UGT1A8: variants seen among roughly 807,000 people sequenced by gnomAD.
UGT1A8 encodes UDP-glucuronosyltransferase 1A8.
Under a neutral mutation model 45.3 loss-of-function variants are expected in UGT1A8, and 39 were observed. The ratio of observed to expected loss-of-function variants is 0.86; its 90% CI spans 0.67 to 1.12. UGT1A8 has a LOEUF of 1.12. Ranked by LOEUF, UGT1A8 falls within the 50% of genes most tolerant of loss-of-function variation. The pLI is 0.00. For missense variants in UGT1A8, 719 were observed against 664.9 expected (o/e 1.08, Z -0.90); for synonymous variants, 275 against 249.2 (o/e 1.10, Z -0.97).
At chr2:233,738,971 TG>T (rs2125819893) in intron 1 of UGT1A8, 1 of 152,378 alleles carries the variant, frequency 6.6e-6, no homozygotes, top group Admixed American at 6.5e-5. Context: ...CCCCCACTGC[TG>T]TGTGCAGCCT....
chr2:233,704,256 C>CT (rs59925871), intron 1 of UGT1A8, among the ~76,000 whole-genome samples: 17,865 of 123,502 alleles, frequency 0.14, 1,649 homozygotes, highest in East Asian at 0.25. Flanking sequence ...GCCTTTATTG[C>CT]TTTTTTTTTT....
chr2:233,757,554 ATATATATG>A lies in UGT1A8; in HGVS notation c.856-9471_856-9464del, dbSNP rs1052235726. On this transcript the variant is annotated intron_variant, in intron 1 of 4. Transcript: ENST00000373450. ...GTAAGGAATATATATATATATATAT[ATATATATG>A]TATATATGATATAGCTATAGTCTAA... Among the ~76,000 whole-genome samples the A allele has an allele frequency of 3.8e-3, 481 of 125,326 alleles. 1 individual carries two copies. Among genetic ancestry groups the A allele is most frequent in the Non-Finnish European group, 4.6e-3 (284 of 61,224 alleles). 82.2% of individuals were successfully genotyped at this position (125,326 alleles called of 152,430 possible).
intron 1 of UGT1A8, 145 bp from the exon 2 acceptor site, chr2:233,766,889 C>A: frequency 6.8e-7 from 1 of 1,464,614 alleles, no homozygotes; most frequent in Non-Finnish European, 9.0e-7. Context: ...GTAAAACTTA[C>A]ATATTAATAA....
At chr2:233,661,627 C>CTTTCTTTCTTTCT (rs2073967058) in intron 1 of UGT1A8, among the ~76,000 whole-genome samples, 1 of 106,136 alleles carries the variant, frequency 9.4e-6, no homozygotes, top group African/African-American at 3.1e-5. Flanking sequence ...ACTGAATTTT[C>CTTTCTTTCTTTCT]TTTCTTTCTT....
At chr2:233,669,028 A>G (rs974773528) in intron 1 of UGT1A8, among the ~76,000 whole-genome samples, 17 of 152,220 alleles carry the variant, frequency 1.1e-4, no homozygotes, top group Non-Finnish European at 2.4e-4. Flanking sequence ...ATAGGTTTTT[A>G]GGAGGAAGAC....
At chr2:233,770,240 T>A (rs1700042980) in intron 4 of UGT1A8, 1 of 152,226 alleles carries the variant, frequency 6.6e-6, no homozygotes, top group Non-Finnish European at 1.5e-5. Flanking sequence ...TCTCCATGAT[T>A]CCAACACTCT....
chr2:233,689,778 T>C (rs192749623), intron 1 of UGT1A8: 1 of 339,482 alleles, frequency 2.9e-6, no homozygotes, highest in East Asian at 9.6e-5. Flanking sequence ...CGGGGACATA[T>C]GTTATGATGT....
At chr2:233,747,624 ATC>A in intron 1 of UGT1A8, 1 of 1,577,546 alleles carries the variant, frequency 6.3e-7, no homozygotes, top group South Asian at 1.1e-5. Flanking sequence ...TGAGGCCCTG[ATC>A]AGGCACCTGA....
intron 1 of UGT1A8, among the ~76,000 whole-genome samples, chr2:233,675,268 C>T (rs2074316080): frequency 6.6e-6 from 1 of 152,142 alleles, no homozygotes; most frequent in South Asian, 2.1e-4. Context: ...CTATATCATT[C>T]CGTGTGGTCA....
At chr2:233,745,046 G>GT (rs1692997137) in intron 1 of UGT1A8, among the ~76,000 whole-genome samples, 1 of 151,780 alleles carries the variant, frequency 6.6e-6, no homozygotes, top group Admixed American at 6.6e-5. Flanking sequence ...TACAGTATTG[G>GT]TTTTTTATTT....
At chr2:233,760,338 G>C (rs753493472) in intron 1 of UGT1A8, 4 of 1,614,036 alleles carry the variant, frequency 2.5e-6, no homozygotes, top group Admixed American at 1.7e-5. Context: ...GCCTGCTGCT[G>C]TGTGTGCTGG....
At chr2:233,698,562 A>G (rs2075448167) in intron 1 of UGT1A8, among the ~76,000 whole-genome samples, 2 of 152,254 alleles carry the variant, frequency 1.3e-5, no homozygotes, top group Admixed American at 6.5e-5. Flanking sequence ...AAACTTTAAG[A>G]ACATGTTTAA....
chr2:233,772,537 C>A lies in UGT1A8; in HGVS notation c.1571C>A (p.Ala524Asp). Residue 524 changes from alanine (A) to aspartate (D), a missense_variant, in exon 5 of 5, where the codon GCC becomes GAC. By Grantham distance (126) the Ala-to-Asp change is moderately radical (BLOSUM62 -2). Coordinates refer to ENST00000373450, the MANE Select transcript of UGT1A8 (RefSeq NM_019076.5). ...CLGKKGRVKK[A>D]HKSKTH ...GGGAAAAAAGGGCGAGTTAAGAAAG[C>A]CCACAAATCCAAGACCCATTGAGAA... 1.9e-6 allele frequency: 3 copies of A among 1,614,090 alleles called. No homozygotes were observed. Among genetic ancestry groups the A allele is most frequent in the Non-Finnish European group, 2.5e-6 (3 of 1,180,000 alleles).
intron 1 of UGT1A8, among the ~76,000 whole-genome samples, chr2:233,635,239 T>C (rs568470173): frequency 6.6e-6 from 1 of 150,662 alleles, no homozygotes; most frequent in East Asian, 1.9e-4. Flanking sequence ...TTAACATTTT[T>C]CCTTCATTTC....
At chr2:233,772,118 A>G (rs186997429) in intron 4 of UGT1A8, 144 bp from the exon 5 acceptor site, 177 of 1,520,864 alleles carry the variant, frequency 1.2e-4, no homozygotes, top group Non-Finnish European at 1.4e-4. Flanking sequence ...GTATCTAAAA[A>G]CAACAACAAC....
chr2:233,753,154 C>T lies in UGT1A8; in HGVS notation c.856-13880C>T, dbSNP rs369458076. On this transcript the variant is annotated intron_variant, in intron 1 of 4. Transcript: ENST00000373450. The stretch of plus-strand genomic sequence containing the variant: ...TGAGTATCTTCACACATGTAAGTTC[C>T]CTTATCCGGATCACTAAAAAATGAA... 1.2e-4 allele frequency: 18 copies of T among 152,308 alleles called. No homozygotes were observed. The South Asian group carries it at 1.9e-3, about 16-fold the overall frequency. 9.4% of individuals were successfully genotyped at this position (152,308 alleles called of 1,614,324 possible). A position where few individuals can be genotyped will look rare whatever the true frequency, so the allele number is the denominator to read the frequency against.
In UGT1A8 at chr2:233,730,882, A is replaced by G. The variant is rs150237801; in HGVS notation, c.856-36152A>G. On this transcript the variant is annotated intron_variant, in intron 1 of 4. Coordinates refer to ENST00000373450, the MANE Select transcript of UGT1A8 (RefSeq NM_019076.5). ...ACCCTACTGCACTCCAGGTTTCTAT[A>G]GTGGGATCTACTCCTTTACCAAAAA... 3.7e-3 allele frequency among the ~76,000 whole-genome samples: 556 copies of G among 152,264 alleles called. 1 individual carries two copies. The highest frequency in any genetic ancestry group is 7.3e-3 in the Admixed American group (112 of 15,302).
At chr2:233,754,984 G>A (rs527779009) in intron 1 of UGT1A8, 1 of 1,295,398 alleles carries the variant, frequency 7.7e-7, no homozygotes, top group Non-Finnish European at 1.0e-6. Context: ...ACCTCGGCGG[G>A]GTCACGGAAG....
At chr2:233,717,513 G>C (rs867962435) in intron 1 of UGT1A8, among the ~76,000 whole-genome samples, 30 of 152,358 alleles carry the variant, frequency 2.0e-4, no homozygotes, top group Non-Finnish European at 3.5e-4. Context: ...TCTAATGGGA[G>C]TAACTTCCTC....
Sources: allele counts gnomAD v4.1 joint callset (sites outside exome capture counted in the v4.1 genomes callset), GRCh38; gene constraint gnomAD v4.1.1; transcripts MANE v1.5; gene names NCBI Gene and HGNC (gene_info 2026-07-23, HGNC 2026-07-21).